TRPM6: variants seen among roughly 807,000 people sequenced by gnomAD.
TRPM6 encodes channel kinase 2.
TRPM6 carries 111 observed loss-of-function variants against 247.6 expected under a neutral mutation model. The ratio of observed to expected loss-of-function variants is 0.45; its 90% CI spans 0.38 to 0.52. TRPM6 has a LOEUF of 0.52. Among genes scored for constraint, TRPM6 ranks in the 20% least tolerant of loss-of-function variants. The pLI, the probability that TRPM6 is intolerant of heterozygous loss-of-function variation, is 0.00. For missense variants in TRPM6, 2,126 were observed against 2,421.5 expected (o/e 0.88, Z 2.56); for synonymous variants, 892 against 853.8 (o/e 1.04, Z -0.78).
chr9:74,762,010 C>T lies in TRPM6; in HGVS notation c.4661G>A (p.Cys1554Tyr), dbSNP rs751536031. ...TGTTTATTCCTTACTTTTAATCTTA[C>T]AGATCTTCATCAATTTCTCCTCCTT... ...FHKEEKLMKI[C>Y]KIKNLSGSSE... Residue 1554 changes from cysteine to tyrosine, a missense_variant, in exon 26 of 39, where the codon TGT (cysteine) becomes TAT (tyrosine). Physicochemically the swap from Cys to Tyr is radical, Grantham distance 194. Coordinates refer to ENST00000360774, the MANE Select transcript of TRPM6 (RefSeq NM_017662.5). The T allele has an allele frequency of 2.5e-6, 4 of 1,613,992 alleles. No homozygotes were observed. In the South Asian group the frequency reaches 4.4e-5, roughly 18 times the overall value.
intron 36 of TRPM6, among the ~76,000 whole-genome samples, chr9:74,734,547 A>C (rs1209339521): frequency 6.6e-6 from 1 of 152,168 alleles, no homozygotes; most frequent in Non-Finnish European, 1.5e-5. Context: ...GAAATTGTGA[A>C]TAATAATGGG....
intron 11 of TRPM6, among the ~76,000 whole-genome samples, chr9:74,816,116 A>C: frequency 6.6e-6 from 1 of 152,178 alleles, no homozygotes; most frequent in East Asian, 1.9e-4. Flanking sequence ...ACTTTGGGAG[A>C]CCAAGGTAGC....
intron 35 of TRPM6, 68 bp downstream of exon 35, chr9:74,739,299 A>G: frequency 1.5e-6 from 2 of 1,361,812 alleles, no homozygotes; most frequent in Non-Finnish European, 2.1e-6. Flanking sequence ...CTCATGAGTA[A>G]TGGGCTGAGA....
rs1295192097 is a variant in TRPM6, at chr9:74,742,584, G to A, written c.5177C>T (p.Pro1726Leu). 6.2e-7 allele frequency: 1 copy of A among 1,613,890 alleles called. No homozygotes were observed. Among genetic ancestry groups the A allele is most frequent in the Non-Finnish European group, 8.5e-7 (1 of 1,179,936 alleles). Residue 1726 changes from proline to leucine, a missense_variant, in exon 33 of 39, where the codon CCA (proline) becomes CTA (leucine). Transcript: ENST00000360774. ...NNLMRLSQTIPFTPVQLFAGE... is the reference protein window; with the variant it reads ...NNLMRLSQTILFTPVQLFAGE... ...ACCAAACAGTTGGACTGGTGTAAAT[G>A]GTATGGTCTGAGAAAGCCTCATTAA...
At chr9:74,792,305 CAG>C (rs974720261) in intron 19 of TRPM6, among the ~76,000 whole-genome samples, 1 of 152,140 alleles carries the variant, frequency 6.6e-6, no homozygotes, top group Non-Finnish European at 1.5e-5. Flanking sequence ...ACTTCTCGCT[CAG>C]AGTTTTTAGA....
At chr9:74,740,335 A>G (rs1402861264) in intron 33 of TRPM6, among the ~76,000 whole-genome samples, 1 of 152,228 alleles carries the variant, frequency 6.6e-6, no homozygotes, top group African/African-American at 2.4e-5. Context: ...ACTTCTAAAG[A>G]GACGGTTTAA....
chr9:74,870,670 T>C (rs985107183), intron 1 of TRPM6, among the ~76,000 whole-genome samples: 4 of 152,136 alleles, frequency 2.6e-5, no homozygotes, highest in Non-Finnish European at 4.4e-5. Flanking sequence ...ACGCCTGTAA[T>C]CCCTGCACTT....
At chr9:74,833,864 A>T in intron 6 of TRPM6, 134 bp downstream of exon 6, 1 of 1,196,608 alleles carries the variant, frequency 8.4e-7, no homozygotes, top group South Asian at 1.3e-5. Context: ...TGAGGGAAGC[A>T]GCAGAAAGTC....
rs768855575 is a variant in TRPM6 at position 74,842,315 on chromosome 9, G to T, written c.181C>A (p.His61Asn). The T allele has an allele frequency of 2.0e-5, 32 of 1,613,860 alleles. No homozygotes were observed. Among genetic ancestry groups the T allele is most frequent in the Non-Finnish European group, 2.6e-5 (31 of 1,180,018 alleles). ...GTCCAGGAATAATCTATCCCAGCAT[G>T]GTCTCCAATCAGTCGGCCACAGTAA... ...RCYCGRLIGD[H>N]AGIDYSWTIS... The change falls in exon 4 of 39, where the codon CAT becomes AAT. Residue 61 changes from histidine (H) to asparagine (N), a missense_variant. This residue lies in a region of TRPM6 where 1,082 missense variants were observed against 1,307.9 expected (regional missense o/e 0.83). Transcript: ENST00000360774.
intron 16 of TRPM6, among the ~76,000 whole-genome samples, chr9:74,800,870 G>A (rs1828302154): frequency 7.1e-6 from 1 of 141,104 alleles, no homozygotes; most frequent in Non-Finnish European, 1.5e-5. Flanking sequence ...AGCTTGGTTT[G>A]TTTGGGACTC....
At chr9:74,833,045 C>T (rs1476050459) in intron 6 of TRPM6, among the ~76,000 whole-genome samples, 7 of 149,900 alleles carry the variant, frequency 4.7e-5, no homozygotes, top group South Asian at 2.1e-4. Context: ...AGCGAGACTC[C>T]GTCTCAGGAA....
Position 74,761,754 on chromosome 9 carries a change from A to G in TRPM6, c.4727T>C (p.Leu1576Pro), listed in dbSNP as rs1431784731. ...CTTTGACAGTCTCCTGTCTTTGGTT[A>G]GCATTTTCGCTTTGACCCATGCTCC... ...GQGAWVKAKM[L>P]TKDRRLSKKK... Residue 1576 changes from leucine (L) to proline (P), a missense_variant, in exon 27 of 39, where the codon CTA (leucine) becomes CCA (proline). Transcript: ENST00000360774. 2 of 1,613,970 alleles carry G rather than the reference A, an allele frequency of 1.2e-6. No homozygotes were observed. The highest frequency in any genetic ancestry group is 2.2e-5 in the South Asian group (2 of 91,086).
chr9:74,747,854 A>G (rs777825515), intron 31 of TRPM6, 35 bp downstream of exon 31: 2 of 1,553,204 alleles, frequency 1.3e-6, no homozygotes, highest in South Asian at 2.3e-5. Context: ...AAGATGAAAA[A>G]ATAAAAAATA....
rs1828760353 is a variant in TRPM6 at position 74,812,305 on chromosome 9, G to T, written c.1437C>A (p.Tyr479Ter). The change falls in exon 12 of 39, where the codon TAC (tyrosine) becomes TAA (stop). Residue 479 changes from tyrosine (Y) to a stop codon, truncating the protein, a stop_gained. Transcript: ENST00000360774. LOFTEE classifies it high-confidence loss of function. ...TGAAATGTTCCATACTCACTGTATT[G>T]TAGAGCTCTTCCAGTCGAGGGATGG... ...FLTIPRLEEL[Y>*]NTKQGPTNTL... is the part of the protein sequence containing the mutation. 4 of 1,613,698 alleles carry T rather than the reference G, an allele frequency of 2.5e-6. No homozygotes were observed. Among genetic ancestry groups the T allele is most frequent in the Non-Finnish European group, 3.4e-6 (4 of 1,179,856 alleles).
intron 3 of TRPM6, among the ~76,000 whole-genome samples, chr9:74,848,640 T>C (rs1830182584): frequency 6.6e-6 from 1 of 152,164 alleles, no homozygotes; most frequent in Non-Finnish European, 1.5e-5. Flanking sequence ...GGTCCACAGT[T>C]TTCCTCAACT....
rs776067440 is a variant in TRPM6, at chr9:74,762,654, T to C, written c.4017A>G (p.Ser1339=). ...SGVSPNRQAH[S]KYGQFLLVPS... ...GGACCAGAAGAAACTGGCCATACTTTGAGTGTGCTTGCCTGTTAGGAGACA... is the reference window on the plus strand; with the variant it reads ...GGACCAGAAGAAACTGGCCATACTTCGAGTGTGCTTGCCTGTTAGGAGACA... The change falls in exon 26 of 39, where the codon TCA becomes TCG. Residue 1339 remains serine, a synonymous_variant. Coordinates refer to ENST00000360774, the MANE Select transcript of TRPM6 (RefSeq NM_017662.5). The C allele has an allele frequency of 6.8e-6, 11 of 1,614,214 alleles. No homozygotes were observed. The highest frequency in any genetic ancestry group is 7.6e-6 in the Non-Finnish European group (9 of 1,180,036).
chr9:74,887,757 C>G, intron 1 of TRPM6, 67 bp downstream of exon 1: 1 of 1,613,764 alleles, frequency 6.2e-7, no homozygotes, highest in Non-Finnish European at 8.5e-7. Context: ...TATCTAAGGC[C>G]GGGGGCGCAG....
At chr9:74,761,064 T>TTATTAATCACCCAGTCTTAGA (rs1442839305) in intron 27 of TRPM6, among the ~76,000 whole-genome samples, 1 of 152,146 alleles carries the variant, frequency 6.6e-6, no homozygotes, top group East Asian at 1.9e-4. Flanking sequence ...CTTCTTTTCT[T>TTATTAATCACCCAGTCTTAGA]TATTAATCAC....
intron 17 of TRPM6, among the ~76,000 whole-genome samples, chr9:74,799,639 C>T (rs7045338): frequency 0.49 from 74,657 of 151,610 alleles, 20,990 homozygotes; most frequent in African/African-American, 0.78. Context: ...ATTCTTACAC[C>T]GAGAAAAAAA....
Sources: allele counts gnomAD v4.1 joint callset (sites outside exome capture counted in the v4.1 genomes callset), GRCh38; gene constraint gnomAD v4.1.1; regional missense constraint gnomAD v4.1.1; transcripts MANE v1.5; gene names NCBI Gene and HGNC (gene_info 2026-07-23, HGNC 2026-07-21).